Variants in VPS16 observed in about 807,000 individuals in gnomAD.
VPS16 encodes the protein vacuolar protein sorting-associated protein 16 homolog.
Under a neutral mutation model 116.0 loss-of-function variants are expected in VPS16, and 82 were observed. The ratio of observed to expected loss-of-function variants is 0.71; its 90% confidence interval spans 0.59 to 0.85. The LOEUF (loss-of-function observed/expected upper bound fraction) is 0.85. Ranked by LOEUF, VPS16 falls within the 40% of genes least tolerant of loss-of-function variation. VPS16 has a pLI of 0.00. For missense variants in VPS16, 928 were observed against 1,090.6 expected (o/e 0.85, Z 2.10); for synonymous variants, 406 against 420.7 (o/e 0.96, Z 0.43).
intron 12 of VPS16, 23 bp downstream of exon 12, chr20:2,862,733 G>T (rs1367977146): frequency 1.2e-6 from 2 of 1,611,552 alleles, no homozygotes; most frequent in Middle Eastern, 1.8e-4. Context: ...GGCCGGGCCG[G>T]GGAGGGTGGG....
At chr20:2,854,559 T>C (rs1484537723) in intron 1 of VPS16, among the ~76,000 whole-genome samples, 1 of 151,952 alleles carries the variant, frequency 6.6e-6, no homozygotes, top group Non-Finnish European at 1.5e-5. Flanking sequence ...TTTGGGAGGC[T>C]GAGGCAGGCG....
chr20:2,866,671 T>C lies in VPS16; in HGVS notation c.*97T>C. 2.6e-6 allele frequency: 4 copies of C among 1,537,078 alleles called. No homozygotes were observed. Among genetic ancestry groups the C allele is most frequent in the Non-Finnish European group, 1.8e-6 (2 of 1,136,138 alleles). ...TCATCCAGCTCCTCCCCTAGAGCAA[T>C]GCTGAGGAGCGGGGGCATGGTAGCA... On this transcript the variant is annotated 3_prime_UTR_variant, in exon 24 of 24. Coordinates refer to ENST00000380445, the MANE Select transcript of VPS16 (RefSeq NM_022575.4).
chr20:2,854,452 C>CA (rs1014327806), intron 1 of VPS16, among the ~76,000 whole-genome samples: 2 of 149,770 alleles, frequency 1.3e-5, no homozygotes, highest in Non-Finnish European at 3.0e-5. Context: ...CAAAACAAAA[C>CA]AAAAAAAACG....
Position 2,866,549 on chromosome 20 carries a change from C to T in VPS16, c.2495C>T (p.Ala832Val). The change falls in exon 24 of 24, where the codon GCC (alanine) becomes GTC (valine). Residue 832 changes from alanine to valine, a missense_variant. Coordinates refer to ENST00000380445, the MANE Select transcript of VPS16 (RefSeq NM_022575.4). ...GCCACAGCTGACAAGATTCAACGGG[C>T]CAGGGCACAAGCCCAGAAGAAGTGA... ...DGATADKIQR[A>V]RAQAQKK 1.9e-6 allele frequency: 3 copies of T among 1,614,148 alleles called. No individual in the cohort carries two copies. The South Asian group carries it at 3.3e-5, about 18-fold the overall frequency.
At chr20:2,853,318 A>G (rs6138915) in intron 1 of VPS16, among the ~76,000 whole-genome samples, 71,672 of 151,748 alleles carry the variant, frequency 0.47, 19,130 homozygotes, top group African/African-American at 0.73. Context: ...GAACCTGGGA[A>G]GCAGACGTTG....
intron 1 of VPS16, among the ~76,000 whole-genome samples, chr20:2,844,673 C>T (rs2089040761): frequency 6.6e-6 from 1 of 152,126 alleles, no homozygotes; most frequent in African/African-American, 2.4e-5. Flanking sequence ...TTACAGACTC[C>T]AGGAGTCAAA....
At chr20:2,846,787 C>T (rs188628102) in intron 1 of VPS16, among the ~76,000 whole-genome samples, 1 of 152,206 alleles carries the variant, frequency 6.6e-6, no homozygotes, top group Non-Finnish European at 1.5e-5. Context: ...GCTTCTCCAG[C>T]AGTTCAGCTG....
At chr20:2,859,672 G>A (rs369236633) in intron 1 of VPS16, 47 bp from the exon 2 acceptor site, 5 of 1,596,188 alleles carry the variant, frequency 3.1e-6, no homozygotes, top group Admixed American at 1.7e-5. Context: ...CACTCCATAC[G>A]GATGCAGGGT....
intron 1 of VPS16, among the ~76,000 whole-genome samples, chr20:2,843,754 G>A (rs1353097237): frequency 1.3e-5 from 2 of 152,142 alleles, no homozygotes; most frequent in Non-Finnish European, 2.9e-5. Flanking sequence ...TTGCTTTGTT[G>A]ACATGTTAAT....
chr20:2,863,058 A>G lies in VPS16; in HGVS notation c.1332-7A>G. Reference sequence around the variant, plus strand: ...TCCAACTGGATCCTTAACCGAGGAAAATACAGATATAAGCAGCTCACCATC... The same window carrying G: ...TCCAACTGGATCCTTAACCGAGGAAGATACAGATATAAGCAGCTCACCATC... On this transcript the variant is annotated splice_region_variant and splice_polypyrimidine_tract_variant and intron_variant, in intron 13 of 23. Transcript: ENST00000380445. This position sits in a 1 kb window ranked among gnomAD's most constrained non-coding sequence, Gnocchi z 4.4. The G allele has an allele frequency of 1.2e-6, 2 of 1,614,100 alleles. No individual in the cohort carries two copies. Among genetic ancestry groups the G allele is most frequent in the Non-Finnish European group, 1.7e-6 (2 of 1,180,020 alleles).
intron 1 of VPS16, among the ~76,000 whole-genome samples, chr20:2,857,933 A>G (rs541311966): frequency 5.5e-4 from 84 of 151,794 alleles, no homozygotes; most frequent in African/African-American, 2.0e-3. Context: ...CTGGCCTCAT[A>G]CTCCTGACTT....
Position 2,865,496 on chromosome 20 carries a change from G to A in VPS16, c.2271+1G>A. The A allele has an allele frequency of 6.2e-7, 1 of 1,613,108 alleles. No individual in the cohort carries two copies. The highest frequency in any genetic ancestry group is 8.5e-7 in the Non-Finnish European group (1 of 1,179,466). On this transcript the variant is annotated splice_donor_variant, in intron 22 of 23. Transcript: ENST00000380445. LOFTEE classifies it high-confidence loss of function. This position sits in a 1 kb window ranked among gnomAD's most constrained non-coding sequence, Gnocchi z 5.2. ...CAAGAAATCACCCATTGGCTACCTG[G>A]TGAGGCAGGGTCCTCCCTCCAGCCC... is the stretch of plus-strand genomic sequence containing the variant.
chr20:2,841,655 C>T (rs1402810664), intron 1 of VPS16, among the ~76,000 whole-genome samples: 1 of 152,180 alleles, frequency 6.6e-6, no homozygotes, highest in African/African-American at 2.4e-5. Flanking sequence ...ATCCTGTGGG[C>T]CTCACTGGGC....
chr20:2,864,078 A>G lies in VPS16; in HGVS notation c.1606A>G (p.Ile536Val), dbSNP rs771519731. ...TGGTTGTGGCCGCACGGAGCTGGCCATCAAGGTGTGGGTGCCCAGCCCTCC... is the reference window on the plus strand; with the variant it reads ...TGGTTGTGGCCGCACGGAGCTGGCCGTCAAGGTGTGGGTGCCCAGCCCTCC... ...AYGCGRTELA[I>V]KLLEYEPRSG... The change falls in exon 16 of 24, where the codon ATC (isoleucine) becomes GTC (valine). Residue 536 changes from isoleucine (I) to valine (V), a missense_variant. Coordinates refer to ENST00000380445, the MANE Select transcript of VPS16 (RefSeq NM_022575.4). This position sits in a 1 kb window ranked among gnomAD's most constrained non-coding sequence, Gnocchi z 5.2. 2.5e-6 allele frequency: 4 copies of G among 1,613,870 alleles called. No homozygotes were observed. Among genetic ancestry groups the G allele is most frequent in the East Asian group, 2.2e-5 (1 of 44,866 alleles).
chr20:2,853,397 CA>C lies in VPS16; in HGVS notation c.54-6319del, dbSNP rs992768011. The stretch of plus-strand genomic sequence containing the variant: ...GAGCAAGACTCTGTCTCAAAACAAA[CA>C]AACAACAACAAAAAAAAAAAACCCA... On this transcript the variant is annotated intron_variant, in intron 1 of 23. Coordinates refer to ENST00000380445, the MANE Select transcript of VPS16 (RefSeq NM_022575.4). Among the ~76,000 whole-genome samples the C allele has an allele frequency of 6.7e-4, 73 of 109,396 alleles. No homozygotes were observed. The East Asian group carries it at 9.3e-3, about 14-fold the overall frequency. The allele number at this position is 109,396 out of a possible 152,430, so 71.8% of individuals were successfully genotyped here.
chr20:2,844,379 A>G (rs1324027722), intron 1 of VPS16, among the ~76,000 whole-genome samples: 1 of 152,172 alleles, frequency 6.6e-6, no homozygotes, highest in African/African-American at 2.4e-5. Context: ...GAACCCACTC[A>G]ATTTGGGAAG....
Position 2,864,634 on chromosome 20 carries a change from G to C in VPS16, c.1906G>C (p.Ala636Pro). ...GGAATTGGGCAGCTTCCACATCCGA[G>C]CCAGCTATGCTGCAGAAGAGGTCTG... is the stretch of plus-strand genomic sequence containing the variant. ...HQELGSFHIRASYAAEERIEG... is the reference protein window; with the variant it reads ...HQELGSFHIRPSYAAEERIEG... Residue 636 changes from alanine to proline, a missense_variant, in exon 19 of 24, where the codon GCC becomes CCC. By Grantham distance (27) the Ala-to-Pro change is conservative (BLOSUM62 -1). Transcript: ENST00000380445. This position sits in a 1 kb window ranked among gnomAD's most constrained non-coding sequence, Gnocchi z 5.2. 2 of 1,614,128 alleles carry C rather than the reference G, an allele frequency of 1.2e-6. No homozygotes were observed. Among genetic ancestry groups the C allele is most frequent in the Non-Finnish European group, 1.7e-6 (2 of 1,180,042 alleles).
chr20:2,841,822 C>T (rs1181088067), intron 1 of VPS16, among the ~76,000 whole-genome samples: 2 of 151,384 alleles, frequency 1.3e-5, no homozygotes, highest in Non-Finnish European at 2.9e-5. Context: ...CAGGGGCACT[C>T]GGCTCACTGC....
Position 2,864,690 on chromosome 20 carries a change from C to T in VPS16, c.1926+36C>T, listed in dbSNP as rs745724254. ...CATGGGGCGTGTGGGGCGTGTGGGGCATGTGGGCTGGGGCTGTTGGTCCGG... is the reference window on the plus strand; with the variant it reads ...CATGGGGCGTGTGGGGCGTGTGGGGTATGTGGGCTGGGGCTGTTGGTCCGG... On this transcript the variant is annotated intron_variant, in intron 19 of 23. Transcript: ENST00000380445. The surrounding 1 kb of genome is among the most constrained non-coding windows in gnomAD (Gnocchi z 5.2). The T allele has an allele frequency of 1.3e-6, 2 of 1,599,210 alleles. No homozygotes were observed. The highest frequency in any genetic ancestry group is 2.2e-5 in the East Asian group (1 of 44,814).
Sources: gnomAD v4.1 joint callset for allele counts (sites outside exome capture counted in the v4.1 genomes callset) on GRCh38, gnomAD v4.1.1 for gene constraint, Gnocchi (gnomAD v3.1) non-coding constraint, MANE v1.5 for transcripts, NCBI Gene and HGNC (gene_info 2026-07-23, HGNC 2026-07-21) for gene names.